The following GPC5 variants were observed in gnomAD, a reference collection of about 807,000 sequenced individuals.
GPC5 encodes glypican-5.
A neutral mutation model predicts 53.9 loss-of-function variants in GPC5; 47 were observed. The ratio of observed to expected loss-of-function variants is 0.87; its 90% CI spans 0.69 to 1.11. The LOEUF is 1.11. Ranked by LOEUF, GPC5 falls within the 50% of genes most tolerant of loss-of-function variation. GPC5 has a pLI of 0.00. For missense variants in GPC5, 748 were observed against 713.1 expected, an observed-to-expected ratio of 1.05 and a Z score of -0.56; for synonymous variants, 286 against 263.3, an observed-to-expected ratio of 1.09 and a Z score of -0.84.
intron 6 of GPC5, among the ~76,000 whole-genome samples, chr13:92,011,599 A>T (rs986259111): frequency 1.3e-5 from 2 of 152,174 alleles, no homozygotes; most frequent in East Asian, 1.9e-4. Flanking sequence ...GCAGCAGGAG[A>T]TGATATAATA....
At chr13:92,550,065 T>C (rs1882260864) in intron 7 of GPC5, among the ~76,000 whole-genome samples, 1 of 151,854 alleles carries the variant, frequency 6.6e-6, no homozygotes, top group Non-Finnish European at 1.5e-5. Flanking sequence ...AATAAAATAG[T>C]TTTTATTTTC....
At chr13:92,470,430 G>A (rs74107282) in intron 7 of GPC5, among the ~76,000 whole-genome samples, 2,459 of 152,024 alleles carry the variant, frequency 0.016, 78 homozygotes, top group African/African-American at 0.057. Flanking sequence ...TTGTTACATA[G>A]GTATATATGT....
intron 6 of GPC5, among the ~76,000 whole-genome samples, chr13:91,929,132 T>G (rs905448842): frequency 6.6e-6 from 1 of 152,092 alleles, no homozygotes; most frequent in African/African-American, 2.4e-5. Flanking sequence ...TATTTTAATA[T>G]TAAAGATTTA....
intron 3 of GPC5, 87 bp from the exon 4 acceptor site, chr13:91,728,445 T>G: frequency 7.9e-7 from 1 of 1,264,580 alleles, no homozygotes; most frequent in Non-Finnish European, 1.1e-6. Context: ...CAAAAACGTG[T>G]CATTGTTTTG....
chr13:91,729,086 ATACATT>A (rs1429264099), intron 4 of GPC5, among the ~76,000 whole-genome samples: 2 of 152,242 alleles, frequency 1.3e-5, no homozygotes, highest in African/African-American at 4.8e-5. Context: ...CAGAAAGATA[ATACATT>A]TACATGATGT....
chr13:91,689,636 T>TG (rs1469135848), intron 2 of GPC5, among the ~76,000 whole-genome samples: 1 of 151,894 alleles, frequency 6.6e-6, no homozygotes, highest in Non-Finnish European at 1.5e-5. Context: ...ATTTTTTTAC[T>TG]TTTTAAACTT....
At chr13:91,975,232 A>T (rs2040287264) in intron 6 of GPC5, among the ~76,000 whole-genome samples, 1 of 152,126 alleles carries the variant, frequency 6.6e-6, no homozygotes. Flanking sequence ...TGTCTAAAAC[A>T]CCAAAAGCAA....
At chr13:91,485,325 G>C (rs796594283) in intron 2 of GPC5, among the ~76,000 whole-genome samples, 17 of 151,526 alleles carry the variant, frequency 1.1e-4, no homozygotes, top group African/African-American at 4.1e-4. Flanking sequence ...CGGTTCTCCT[G>C]CCTCAGCCTC....
chr13:92,112,600 T>C (rs894188982), intron 6 of GPC5, among the ~76,000 whole-genome samples: 3 of 152,072 alleles, frequency 2.0e-5, no homozygotes, highest in Non-Finnish European at 2.9e-5. Context: ...AGGCAAATGA[T>C]AGTGGATTAT....
intron 2 of GPC5, among the ~76,000 whole-genome samples, chr13:91,455,280 A>C (rs987045602): frequency 6.6e-6 from 1 of 152,100 alleles, no homozygotes; most frequent in African/African-American, 2.4e-5. Flanking sequence ...ATTTACTAAA[A>C]TTGCTCTTCT....
At chr13:92,753,558 A>G (rs1874695322) in intron 7 of GPC5, among the ~76,000 whole-genome samples, 1 of 152,136 alleles carries the variant, frequency 6.6e-6, no homozygotes, top group Non-Finnish European at 1.5e-5. Context: ...TTCAAACCAA[A>G]GGCAAAGAAG....
At chr13:92,199,571 T>C (rs977526359) in intron 7 of GPC5, among the ~76,000 whole-genome samples, 1 of 152,192 alleles carries the variant, frequency 6.6e-6, no homozygotes, top group Non-Finnish European at 1.5e-5. Flanking sequence ...TACTTTCAAT[T>C]AGACTGTAAT....
intron 7 of GPC5, among the ~76,000 whole-genome samples, chr13:92,297,474 C>T (rs1161849622): frequency 2.1e-5 from 3 of 145,456 alleles, no homozygotes; most frequent in Non-Finnish European, 4.5e-5. Flanking sequence ...CCAATCGGCA[C>T]TCTGTATCTA....
chr13:92,515,661 C>T (rs1880745913), intron 7 of GPC5, among the ~76,000 whole-genome samples: 1 of 152,064 alleles, frequency 6.6e-6, no homozygotes, highest in Non-Finnish European at 1.5e-5. Flanking sequence ...TGAATTGAAT[C>T]AATGAACCCA....
chr13:91,506,596 A>T lies in GPC5; in HGVS notation c.325+57674A>T, dbSNP rs1215726042. Among the ~76,000 whole-genome samples, 3 of 152,198 alleles carry T rather than the reference A, an allele frequency of 2.0e-5. No homozygotes were observed. The East Asian group carries it at 5.8e-4, about 29-fold the overall frequency. On this transcript the variant is annotated intron_variant, in intron 2 of 7. Transcript: ENST00000377067. Reference sequence around the variant, plus strand: ...TAATACAGAGACAAAGTAGTTAACAAAGAAATAAGTAAAAATCACTTCCCT... The same window carrying T: ...TAATACAGAGACAAAGTAGTTAACATAGAAATAAGTAAAAATCACTTCCCT...
chr13:92,797,855 AGATAGATAGATAGAT>A (rs916066285), intron 7 of GPC5, among the ~76,000 whole-genome samples: 8 of 151,508 alleles, frequency 5.3e-5, no homozygotes, highest in African/African-American at 1.7e-4. Context: ...ATAGATAGAT[AGATAGATAGATAGAT>A]GATAGATGAT....
intron 7 of GPC5, among the ~76,000 whole-genome samples, chr13:92,476,777 A>G (rs983181422): frequency 8.0e-5 from 12 of 149,084 alleles, no homozygotes; most frequent in Non-Finnish European, 1.5e-4. Flanking sequence ...CATCATTCTC[A>G]GTAAACTATC....
chr13:91,639,038 T>C (rs1272917914), intron 2 of GPC5, among the ~76,000 whole-genome samples: 1 of 152,232 alleles, frequency 6.6e-6, no homozygotes, highest in African/African-American at 2.4e-5. Context: ...AGCGAGTATA[T>C]GAAAAACTGC....
intron 6 of GPC5, among the ~76,000 whole-genome samples, chr13:92,141,699 T>C (rs891442968): frequency 1.3e-5 from 2 of 152,130 alleles, no homozygotes; most frequent in African/African-American, 4.8e-5. Context: ...ATGAGAAGTC[T>C]GGGTGGGCTC....
Sources: gnomAD v4.1 joint callset for allele counts (sites outside exome capture counted in the v4.1 genomes callset) on GRCh38, gnomAD v4.1.1 for gene constraint, MANE v1.5 for transcripts, NCBI Gene and HGNC (gene_info 2026-07-23, HGNC 2026-07-21) for gene names.